GYPC: variants seen among roughly 807,000 people sequenced by gnomAD.
The protein encoded by GYPC is glycophorin-C.
A neutral mutation model predicts 12.6 loss-of-function variants in GYPC; 14 were observed. The observed-to-expected ratio is 1.11, with a 90% confidence interval of 0.74 to 1.74. The LOEUF (loss-of-function observed/expected upper bound fraction) is 1.74, where lower values mean the gene tolerates loss of function less well. Ranked by LOEUF, GYPC falls within the 40% of genes most tolerant of loss-of-function variation. The probability of loss-of-function intolerance (pLI) is 0.00; values close to 1 mark genes in which losing one functional copy is unlikely to be tolerated. For missense variants in GYPC, 225 were observed against 172.1 expected (o/e 1.31, Z -1.72); for synonymous variants, 78 against 62.1 (o/e 1.26, Z -1.20).
intron 1 of GYPC, among the ~76,000 whole-genome samples, chr2:126,681,306 G>A (rs184722480): frequency 2.6e-5 from 4 of 152,132 alleles, no homozygotes; most frequent in Admixed American, 6.5e-5. Flanking sequence ...CTAAGTTCAC[G>A]TGCACCCCTT....
intron 1 of GYPC, among the ~76,000 whole-genome samples, chr2:126,666,442 G>A (rs1458990685): frequency 2.0e-5 from 3 of 152,108 alleles, no homozygotes; most frequent in African/African-American, 7.2e-5. Flanking sequence ...CTCTTCATTC[G>A]AGACATACTA....
At chr2:126,659,306 T>G (rs1273367199) in intron 1 of GYPC, among the ~76,000 whole-genome samples, 1 of 152,090 alleles carries the variant, frequency 6.6e-6, no homozygotes, top group Non-Finnish European at 1.5e-5. Flanking sequence ...CCCACCCCCG[T>G]GAGGAAACGT....
intron 1 of GYPC, among the ~76,000 whole-genome samples, chr2:126,660,029 C>G (rs1483041535): frequency 6.6e-6 from 1 of 152,196 alleles, no homozygotes; most frequent in Non-Finnish European, 1.5e-5. Flanking sequence ...CATAGGGCAC[C>G]CAGACACTGA....
At chr2:126,659,213 G>A (rs1305346552) in intron 1 of GYPC, among the ~76,000 whole-genome samples, 1 of 152,190 alleles carries the variant, frequency 6.6e-6, no homozygotes, top group Non-Finnish European at 1.5e-5. Flanking sequence ...GTGAGACTGA[G>A]CATGTTTTCT....
At chr2:126,691,057 T>C (rs1433474717) in intron 2 of GYPC, among the ~76,000 whole-genome samples, 1 of 151,854 alleles carries the variant, frequency 6.6e-6, no homozygotes, top group Admixed American at 6.6e-5. Flanking sequence ...TCTTCCTAGG[T>C]GATATTATTA....
intron 1 of GYPC, among the ~76,000 whole-genome samples, chr2:126,688,414 T>C (rs1683352962): frequency 6.6e-6 from 1 of 152,226 alleles, no homozygotes; most frequent in Non-Finnish European, 1.5e-5. Context: ...CATTTACTCA[T>C]GCATTCAGTG....
At chr2:126,656,730 C>G (rs1308428189) in intron 1 of GYPC, among the ~76,000 whole-genome samples, 1 of 152,228 alleles carries the variant, frequency 6.6e-6, no homozygotes, top group African/African-American at 2.4e-5. Context: ...GGCCAGGCTC[C>G]GGTGAACTCC....
chr2:126,668,698 G>A (rs762970447), intron 1 of GYPC, among the ~76,000 whole-genome samples: 1 of 152,208 alleles, frequency 6.6e-6, no homozygotes, highest in Non-Finnish European at 1.5e-5. Context: ...TCATCCGCAA[G>A]CAATTACTAA....
At chr2:126,663,966 CTCTCTCTCTCT>C in intron 1 of GYPC, among the ~76,000 whole-genome samples, 1 of 65,968 alleles carries the variant, frequency 1.5e-5, no homozygotes, top group Admixed American at 2.2e-4. Flanking sequence ...CTCTCTCTCT[CTCTCTCTCTCT>C]CTCTCTCTCT....
At position 126,696,185 on chromosome 2, in the gene GYPC, A is replaced by C. The variant is rs767708657; in HGVS notation, c.*43A>C. On this transcript the variant is annotated 3_prime_UTR_variant, in exon 4 of 4. Coordinates refer to ENST00000259254, the MANE Select transcript of GYPC (RefSeq NM_002101.5). Reference sequence around the variant, plus strand: ...TTCCCTGAATGCCTCCCCCATCTCCATCAGGAAAAATACACCCCATCGCCC... The same window carrying C: ...TTCCCTGAATGCCTCCCCCATCTCCCTCAGGAAAAATACACCCCATCGCCC... The C allele has an allele frequency of 2.1e-6, 3 of 1,408,866 alleles. No individual in the cohort carries two copies. The highest frequency in any genetic ancestry group is 3.0e-6 in the Non-Finnish European group (3 of 997,160). 87.3% of individuals were successfully genotyped at this position (1,408,866 alleles called of 1,614,324 possible).
At chr2:126,678,392 T>G in intron 1 of GYPC, 1 of 152,242 alleles carries the variant, frequency 6.6e-6, no homozygotes. Flanking sequence ...CCCACAACCT[T>G]CACAGGCATC....
intron 1 of GYPC, among the ~76,000 whole-genome samples, chr2:126,678,107 A>G (rs1390564515): frequency 6.6e-6 from 1 of 152,148 alleles, no homozygotes; most frequent in Non-Finnish European, 1.5e-5. Context: ...CTGTAATCCC[A>G]GCTACTCAGG....
At chr2:126,673,583 G>C (rs1463736692) in intron 1 of GYPC, among the ~76,000 whole-genome samples, 1 of 152,152 alleles carries the variant, frequency 6.6e-6, no homozygotes, top group African/African-American at 2.4e-5. Flanking sequence ...CAATCCTAAA[G>C]CCACACCAAT....
intron 1 of GYPC, among the ~76,000 whole-genome samples, chr2:126,681,778 CA>C (rs55636033): frequency 0.54 from 71,388 of 132,140 alleles, 18,481 homozygotes; most frequent in Middle Eastern, 0.61. Flanking sequence ...AAACTTCATC[CA>C]AAAAAAAAAA....
At chr2:126,671,054 G>C (rs958805868) in intron 1 of GYPC, among the ~76,000 whole-genome samples, 1 of 152,178 alleles carries the variant, frequency 6.6e-6, no homozygotes, top group African/African-American at 2.4e-5. Context: ...AACCCCGTGA[G>C]TGGATGGGAA....
At chr2:126,695,865 A>G (rs1432322338) in intron 3 of GYPC, 81 bp from the exon 4 acceptor site, 2 of 1,064,582 alleles carry the variant, frequency 1.9e-6, no homozygotes. Context: ...GTCCTCACAC[A>G]ACCCCTGTGG....
chr2:126,682,823 C>T (rs964324738), intron 1 of GYPC, among the ~76,000 whole-genome samples: 4 of 152,218 alleles, frequency 2.6e-5, no homozygotes, highest in African/African-American at 9.6e-5. Flanking sequence ...CCTCCAGTCC[C>T]TACCCATCTC....
At position 126,656,274 on chromosome 2, in the gene GYPC, C is replaced by A; in HGVS notation, c.11C>A (p.Thr4Lys). Residue 4 changes from threonine (T) to lysine (K), a missense_variant, in exon 1 of 4, where the codon ACG becomes AAG. Transcript: ENST00000259254. Reference sequence around the variant, plus strand: ...GGCTGACGCCCAGGAATGTGGTCGACGAGAAGCCCCAACAGCACGGCGTGG... The same window carrying A: ...GGCTGACGCCCAGGAATGTGGTCGAAGAGAAGCCCCAACAGCACGGCGTGG... MWSTRSPNSTAWPL... is the reference protein window; with the variant it reads MWSKRSPNSTAWPL... 2 of 1,603,542 alleles carry A rather than the reference C, an allele frequency of 1.2e-6. No individual in the cohort carries two copies. Among genetic ancestry groups the A allele is most frequent in the Non-Finnish European group, 1.7e-6 (2 of 1,176,664 alleles).
At chr2:126,663,634 G>A (rs879220568) in intron 1 of GYPC, among the ~76,000 whole-genome samples, 2 of 152,186 alleles carry the variant, frequency 1.3e-5, no homozygotes, top group Admixed American at 1.3e-4. Context: ...ACGGATGGAG[G>A]GATGTGAAGG....
Sources: gnomAD v4.1 joint callset for allele counts (sites outside exome capture counted in the v4.1 genomes callset) on GRCh38, gnomAD v4.1.1 for gene constraint, MANE v1.5 for transcripts, NCBI Gene and HGNC (gene_info 2026-07-23, HGNC 2026-07-21) for gene names.